Variants in KLHL14 observed in about 807,000 individuals in gnomAD.
The protein encoded by KLHL14 is kelch like family member 14, also known as kelch-like protein 14.
In KLHL14, 22 loss-of-function variants were observed where a neutral mutation model predicts 64.3. That is an observed-to-expected ratio of 0.34 (90% CI 0.24 to 0.49). KLHL14 has a LOEUF of 0.49. KLHL14 is among the 20% of genes least tolerant of loss of function. KLHL14 has a pLI of 0.99. For synonymous variants in KLHL14, 322 were observed against 333.4 expected, an observed-to-expected ratio of 0.97 and a Z score of 0.37; for missense variants, 661 against 789.0, an observed-to-expected ratio of 0.84 and a Z score of 1.94.
chr18:32,748,183 T>C (rs1367658662), intron 2 of KLHL14, among the ~76,000 whole-genome samples: 1 of 152,164 alleles, frequency 6.6e-6, no homozygotes. Context: ...TAAGTGAACG[T>C]AGGCTGGCCT....
Position 32,770,665 on chromosome 18 carries a change from G to A in KLHL14, c.-43-31C>T. The A allele has an allele frequency of 8.1e-7, 1 of 1,238,184 alleles. No homozygotes were observed. Among genetic ancestry groups the A allele is most frequent in the Admixed American group, 2.5e-5 (1 of 40,708 alleles). 76.7% of individuals were successfully genotyped at this position (1,238,184 alleles called of 1,614,324 possible). On this transcript the variant is annotated intron_variant, in intron 1 of 8. Transcript: ENST00000359358. This position sits in a 1 kb window ranked among gnomAD's most constrained non-coding sequence, Gnocchi z 6.7. ...AGACAGGGGTGGGGGATGGGAGGGA[G>A]GGGAGCAGGGTGGTGGAGCGGGTGG...
intron 3 of KLHL14, among the ~76,000 whole-genome samples, chr18:32,728,689 A>C (rs2050119236): frequency 1.3e-5 from 2 of 152,152 alleles, no homozygotes; most frequent in African/African-American, 4.8e-5. Context: ...TTGCCTGGTC[A>C]AAAAAAGGAT....
intron 3 of KLHL14, among the ~76,000 whole-genome samples, chr18:32,699,660 C>G (rs2049954427): frequency 6.6e-6 from 1 of 152,106 alleles, no homozygotes; most frequent in African/African-American, 2.4e-5. Context: ...ATCCATCCAG[C>G]AAGTAATTAC....
intron 4 of KLHL14, among the ~76,000 whole-genome samples, chr18:32,691,991 G>A (rs1342654583): frequency 2.0e-5 from 3 of 152,102 alleles, no homozygotes; most frequent in African/African-American, 7.2e-5. Flanking sequence ...CAGTTGTTTT[G>A]GGAACCAGTT....
At chr18:32,743,127 T>C (rs2050207267) in intron 2 of KLHL14, 1 of 152,222 alleles carries the variant, frequency 6.6e-6, no homozygotes. Context: ...AACAGTCGCT[T>C]TACATGTAAT....
At chr18:32,695,392 G>A (rs957112023) in intron 4 of KLHL14, 71 bp downstream of exon 4, 1 of 915,188 alleles carries the variant, frequency 1.1e-6, no homozygotes, top group Non-Finnish European at 1.8e-6. Context: ...ATTACAAAAT[G>A]GACTGCTACT....
chr18:32,719,448 T>A (rs928688688), intron 3 of KLHL14, among the ~76,000 whole-genome samples: 2 of 152,232 alleles, frequency 1.3e-5, no homozygotes. Context: ...CTTCTCTCAT[T>A]ATTAACAACT....
At chr18:32,753,572 T>C (rs1363866911) in intron 2 of KLHL14, among the ~76,000 whole-genome samples, 1 of 152,196 alleles carries the variant, frequency 6.6e-6, no homozygotes, top group African/African-American at 2.4e-5. Context: ...CAGGGGCAGA[T>C]ATAACAAAAA....
intron 5 of KLHL14, among the ~76,000 whole-genome samples, chr18:32,684,724 A>T (rs932826026): frequency 1.3e-5 from 2 of 152,208 alleles, no homozygotes; most frequent in African/African-American, 4.8e-5. Context: ...TTCATGATCT[A>T]CACAATGTAA....
At chr18:32,682,236 C>T (rs1193451871) in intron 5 of KLHL14, among the ~76,000 whole-genome samples, 1 of 152,082 alleles carries the variant, frequency 6.6e-6, no homozygotes, top group African/African-American at 2.4e-5. Flanking sequence ...CTGAAATTAT[C>T]CCAATAGATA....
At position 32,682,061 on chromosome 18, in the gene KLHL14, A is replaced by G. The variant is rs148215175; in HGVS notation, c.1239-1462T>C. Among the ~76,000 whole-genome samples, 167 of 152,316 alleles carry G rather than the reference A, an allele frequency of 1.1e-3. 1 individual carries two copies. Among genetic ancestry groups the G allele is most frequent in the African/African-American group, 3.7e-3 (155 of 41,568 alleles). On this transcript the variant is annotated intron_variant, in intron 5 of 8. Coordinates refer to ENST00000359358, the MANE Select transcript of KLHL14 (RefSeq NM_020805.3). ...TCATGTTCAGGAACTGTCAATTAAT[A>G]TTATCTGGATAAAAGGTTTTTAAAA...
At chr18:32,711,005 TAAG>T (rs1415960097) in intron 3 of KLHL14, among the ~76,000 whole-genome samples, 1 of 152,166 alleles carries the variant, frequency 6.6e-6, no homozygotes, top group East Asian at 1.9e-4. Flanking sequence ...TGGAAGAGTT[TAAG>T]AAGGGGAGTA....
intron 2 of KLHL14, among the ~76,000 whole-genome samples, chr18:32,746,795 G>C (rs922787176): frequency 6.6e-6 from 1 of 152,220 alleles, no homozygotes; most frequent in Admixed American, 6.5e-5. Flanking sequence ...AAACTTTGAG[G>C]TAATCTAGTT....
At position 32,680,406 on chromosome 18, in the gene KLHL14, T is replaced by C; in HGVS notation, c.1429+3A>G. The C allele has an allele frequency of 6.2e-7, 1 of 1,613,854 alleles. No individual in the cohort carries two copies. The highest frequency in any genetic ancestry group is 8.5e-7 in the Non-Finnish European group (1 of 1,179,798). On this transcript the variant is annotated splice_donor_region_variant and intron_variant, in intron 6 of 8. Transcript: ENST00000359358. The surrounding 1 kb of genome is among the most constrained non-coding windows in gnomAD (Gnocchi z 4.8). ...TGTAACAGAAAGTGGAGGAATTACT[T>C]GCCTGAAATGTATATTTTCCCATTG...
intron 5 of KLHL14, among the ~76,000 whole-genome samples, chr18:32,686,836 G>A (rs113537556): frequency 0.011 from 1,618 of 151,992 alleles, 34 homozygotes; most frequent in African/African-American, 0.037. Flanking sequence ...TTCAATTTTA[G>A]GGTTTAAATA....
intron 3 of KLHL14, chr18:32,738,424 C>T (rs2050177510): frequency 6.6e-6 from 1 of 152,020 alleles, no homozygotes; most frequent in African/African-American, 2.4e-5. Flanking sequence ...AAAAGCAGTA[C>T]TGAGAAATAA....
At chr18:32,729,290 G>C (rs1409743105) in intron 3 of KLHL14, among the ~76,000 whole-genome samples, 2 of 152,238 alleles carry the variant, frequency 1.3e-5, no homozygotes, top group East Asian at 1.9e-4. Context: ...CTACTACCTA[G>C]AGCTGTGCTG....
intron 3 of KLHL14, among the ~76,000 whole-genome samples, chr18:32,733,414 A>AGAC (rs2050146971): frequency 1.5e-5 from 2 of 131,370 alleles, no homozygotes; most frequent in Non-Finnish European, 3.3e-5. Flanking sequence ...GAGAGAGAGA[A>AGAC]GGACACAAGA....
Position 32,691,813 on chromosome 18 carries a change from A to AT in KLHL14, c.1159+3649dup, listed in dbSNP as rs547601362. On this transcript the variant is annotated intron_variant, in intron 4 of 8. Coordinates refer to ENST00000359358, the MANE Select transcript of KLHL14 (RefSeq NM_020805.3). ...CATTCTGTTTTTTCTCATCCTTTTC[A>AT]TTTTTTTTGTGATTTTCCTCCACTT... is the stretch of plus-strand genomic sequence containing the variant. 1.6e-3 allele frequency among the ~76,000 whole-genome samples: 245 copies of AT among 151,784 alleles called. 1 individual carries two copies. Among genetic ancestry groups the AT allele is most frequent in the Middle Eastern group, 3.4e-3 (1 of 292 alleles).
Sources: allele counts gnomAD v4.1 joint callset (sites outside exome capture counted in the v4.1 genomes callset), GRCh38; gene constraint gnomAD v4.1.1; non-coding constraint Gnocchi (gnomAD v3.1); transcripts MANE v1.5; gene names NCBI Gene and HGNC (gene_info 2026-07-23, HGNC 2026-07-21).